Variants in ATP6V0A4 observed in about 807,000 individuals in gnomAD.
ATP6V0A4 encodes the protein ATPase H+ transporting V0 subunit a4.
Under a neutral mutation model 107.3 loss-of-function variants are expected in ATP6V0A4, and 86 were observed. The ratio of observed to expected loss-of-function variants is 0.80; its 90% CI spans 0.67 to 0.96. The LOEUF (loss-of-function observed/expected upper bound fraction) is 0.96, where lower values mean the gene tolerates loss of function less well. ATP6V0A4 is among the 40% of genes least tolerant of loss of function. The probability of loss-of-function intolerance (pLI) is 0.00; values close to 1 mark genes in which losing one functional copy is unlikely to be tolerated. For missense variants in ATP6V0A4, 908 were observed against 1,045.6 expected (o/e 0.87, Z 1.81); for synonymous variants, 353 against 381.4 (o/e 0.93, Z 0.87).
intron 14 of ATP6V0A4, among the ~76,000 whole-genome samples, chr7:138,740,358 A>G (rs1433802458): frequency 6.6e-6 from 1 of 151,384 alleles, no homozygotes; most frequent in South Asian, 2.1e-4. Flanking sequence ...CATGTAGCCC[A>G]TTGTATGTCT....
intron 14 of ATP6V0A4, among the ~76,000 whole-genome samples, chr7:138,743,152 C>T (rs1415224968): frequency 6.6e-6 from 1 of 151,988 alleles, no homozygotes; most frequent in Non-Finnish European, 1.5e-5. Flanking sequence ...CTCAGGAAAG[C>T]TTTGTCAAAA....
chr7:138,729,593 C>T (rs1045386164), intron 17 of ATP6V0A4, among the ~76,000 whole-genome samples: 3 of 152,140 alleles, frequency 2.0e-5, no homozygotes, highest in Non-Finnish European at 4.4e-5. Context: ...CACATCCTCA[C>T]GCCCCTGCCT....
At chr7:138,786,790 G>A (rs533650475) in intron 1 of ATP6V0A4, among the ~76,000 whole-genome samples, 20 of 152,114 alleles carry the variant, frequency 1.3e-4, no homozygotes, top group African/African-American at 3.9e-4. Context: ...CACCACACCC[G>A]GCGCTAGCCT....
chr7:138,708,955 T>C (rs1461851926), intron 21 of ATP6V0A4, among the ~76,000 whole-genome samples: 1 of 152,140 alleles, frequency 6.6e-6, no homozygotes, highest in Non-Finnish European at 1.5e-5. Flanking sequence ...ATGCCTGTAA[T>C]CCCAGCACTT....
At chr7:138,745,962 A>AAAAAAAATATATAT (rs1554396065) in intron 13 of ATP6V0A4, among the ~76,000 whole-genome samples, 1 of 65,682 alleles carries the variant, frequency 1.5e-5, no homozygotes, top group African/African-American at 6.7e-5. Flanking sequence ...AAAAAAAAAA[A>AAAAAAAATATATAT]ATATATATAT....
Position 138,769,189 on chromosome 7 carries a change from T to C in ATP6V0A4, c.180A>G (p.Ser60=), listed in dbSNP as rs1584939931. Residue 60 remains serine (S), a synonymous_variant, in exon 4 of 22, where the codon TCA becomes TCG. Coordinates refer to ENST00000310018, the MANE Select transcript of ATP6V0A4 (RefSeq NM_020632.3). ...KFVNEVRRCE[S]LERILRFLED... ...TTGGCTTACGGAGGATTCTCTCCAG[T>C]GATTCACACCTTCTGACTTCATTCA... The C allele has an allele frequency of 6.2e-7, 1 of 1,611,288 alleles. No individual in the cohort carries two copies. The highest frequency in any genetic ancestry group is 1.7e-5 in the Admixed American group (1 of 59,982).
At chr7:138,743,156 G>C in intron 14 of ATP6V0A4, among the ~76,000 whole-genome samples, 1 of 151,876 alleles carries the variant, frequency 6.6e-6, no homozygotes, top group Non-Finnish European at 1.5e-5. Context: ...GGAAAGCTTT[G>C]TCAAAAGAAA....
chr7:138,726,029 G>A (rs898957195), intron 18 of ATP6V0A4, among the ~76,000 whole-genome samples: 4 of 151,584 alleles, frequency 2.6e-5, no homozygotes, highest in Non-Finnish European at 4.4e-5. Context: ...TCGTTCTGTC[G>A]CCTGGGCTGG....
At chr7:138,716,232 G>A (rs1804025560) in intron 19 of ATP6V0A4, among the ~76,000 whole-genome samples, 1 of 152,192 alleles carries the variant, frequency 6.6e-6, no homozygotes. Flanking sequence ...AAAGAAACAG[G>A]TAGCTGGGAA....
intron 2 of ATP6V0A4, among the ~76,000 whole-genome samples, chr7:138,784,857 C>G (rs7786814): frequency 1.3e-5 from 2 of 151,944 alleles, no homozygotes; most frequent in Non-Finnish European, 2.9e-5. Context: ...CAAAGGTCCC[C>G]GGCAAAGCAC....
chr7:138,709,758 G>A lies in ATP6V0A4; in HGVS notation c.2295C>T (p.Ser765=), dbSNP rs149864974. 2.2e-5 allele frequency: 35 copies of A among 1,613,968 alleles called. No individual in the cohort carries two copies. The African/African-American group carries it at 3.1e-4, about 14-fold the overall frequency. ...SEVLWTMVMN[S]GLQTRGWGGI... Reference sequence around the variant, plus strand: ...CTCCCCAGCCTCGCGTCTGAAGGCCGCTGTTCATCACCATAGTCCAGAGCA... The same window carrying A: ...CTCCCCAGCCTCGCGTCTGAAGGCCACTGTTCATCACCATAGTCCAGAGCA... Residue 765 remains serine, a synonymous_variant, in exon 21 of 22, where the codon AGC becomes AGT. Transcript: ENST00000310018.
intron 19 of ATP6V0A4, among the ~76,000 whole-genome samples, chr7:138,718,189 C>T (rs1356102999): frequency 2.4e-5 from 2 of 83,778 alleles, no homozygotes; most frequent in African/African-American, 5.0e-5. Context: ...GGGAGACGTC[C>T]AGGAAGGAAT....
intron 19 of ATP6V0A4, among the ~76,000 whole-genome samples, chr7:138,719,795 G>A (rs186837617): frequency 1.7e-3 from 252 of 152,284 alleles, no homozygotes; most frequent in African/African-American, 5.4e-3. Context: ...CGAGGTAGGC[G>A]GATCACCTGA....
intron 14 of ATP6V0A4, among the ~76,000 whole-genome samples, chr7:138,742,115 G>A (rs1805662730): frequency 6.6e-6 from 1 of 152,104 alleles, no homozygotes; most frequent in African/African-American, 2.4e-5. Context: ...GCGAAATTAT[G>A]CAGATTGAAC....
chr7:138,720,740 G>A (rs1359349602), intron 19 of ATP6V0A4, among the ~76,000 whole-genome samples: 3 of 151,784 alleles, frequency 2.0e-5, no homozygotes, highest in Non-Finnish European at 4.4e-5. Flanking sequence ...AGGTTCAAGT[G>A]ATTCTCCTGC....
chr7:138,742,046 T>A (rs1408763837), intron 14 of ATP6V0A4, among the ~76,000 whole-genome samples: 3 of 152,236 alleles, frequency 2.0e-5, no homozygotes, highest in Admixed American at 2.0e-4. Context: ...ACAAGACAGT[T>A]AATTCGGGCC....
intron 11 of ATP6V0A4, among the ~76,000 whole-genome samples, chr7:138,752,109 C>T (rs1806259612): frequency 6.6e-6 from 1 of 152,164 alleles, no homozygotes; most frequent in African/African-American, 2.4e-5. Flanking sequence ...ATGTCTCACA[C>T]CTGTAATGTC....
In ATP6V0A4 at chr7:138,773,376, G is replaced by A. The variant is rs1807493619; in HGVS notation, c.-17-2112C>T. Among the ~76,000 whole-genome samples the A allele has an allele frequency of 6.6e-6, 1 of 152,044 alleles. No individual in the cohort carries two copies. The highest frequency in any genetic ancestry group is 2.4e-5 in the African/African-American group (1 of 41,376). On this transcript the variant is annotated intron_variant, in intron 2 of 21. Coordinates refer to ENST00000310018, the MANE Select transcript of ATP6V0A4 (RefSeq NM_020632.3). The surrounding 1 kb of genome is among the most constrained non-coding windows in gnomAD (Gnocchi z 5.4). Reference sequence around the variant, plus strand: ...CCCGCATGACCCTGTCACTCCTCCAGTCTCCATGTAAGGATCTTCTTCCTC... The same window carrying A: ...CCCGCATGACCCTGTCACTCCTCCAATCTCCATGTAAGGATCTTCTTCCTC...
chr7:138,759,616 GA>G (rs1563006394), intron 8 of ATP6V0A4, 135 bp downstream of exon 8: 16 of 984,044 alleles, frequency 1.6e-5, no homozygotes, highest in South Asian at 4.4e-5. Context: ...AAAAGGGAAG[GA>G]AAAAAAGGAG....
Sources: gnomAD v4.1 joint callset for allele counts (sites outside exome capture counted in the v4.1 genomes callset) on GRCh38, gnomAD v4.1.1 for gene constraint, Gnocchi (gnomAD v3.1) non-coding constraint, MANE v1.5 for transcripts, NCBI Gene and HGNC (gene_info 2026-07-23, HGNC 2026-07-21) for gene names.